The following ZNF236 variants were observed in gnomAD, a reference collection of about 807,000 sequenced individuals.
ZNF236 encodes the protein zinc finger protein 236.
ZNF236 carries 50 observed loss-of-function variants against 191.2 expected under a neutral mutation model. The ratio of observed to expected loss-of-function variants is 0.26; its 90% CI spans 0.21 to 0.33. The LOEUF (loss-of-function observed/expected upper bound fraction) is 0.33, where lower values mean the gene tolerates loss of function less well. Among genes scored for constraint, ZNF236 ranks in the 10% least tolerant of loss-of-function variants. The pLI is 1.00. For missense variants in ZNF236, 1,754 were observed against 2,374.5 expected, an observed-to-expected ratio of 0.74 and a Z score of 5.43; for synonymous variants, 907 against 928.8, an observed-to-expected ratio of 0.98 and a Z score of 0.43.
At chr18:76,949,661 C>CTT (rs779360324) in intron 27 of ZNF236, among the ~76,000 whole-genome samples, 9 of 141,722 alleles carry the variant, frequency 6.4e-5, no homozygotes, top group African/African-American at 1.8e-4. Context: ...CATTATTTCT[C>CTT]TTTTTTTTTT....
intron 16 of ZNF236, among the ~76,000 whole-genome samples, chr18:76,911,491 G>C (rs549303210): frequency 6.0e-4 from 92 of 152,340 alleles, no homozygotes; most frequent in Non-Finnish European, 1.0e-3. Flanking sequence ...CTTTACTCCA[G>C]AGCTCTCTAA....
intron 1 of ZNF236, among the ~76,000 whole-genome samples, chr18:76,829,192 C>T (rs1001688180): frequency 3.3e-5 from 5 of 152,200 alleles, no homozygotes; most frequent in Non-Finnish European, 2.9e-5. Flanking sequence ...GATAGTGCGT[C>T]TCTGCTTTCA....
intron 9 of ZNF236, chr18:76,885,721 C>T (rs575334769): frequency 3.2e-5 from 5 of 156,162 alleles, no homozygotes; most frequent in South Asian, 3.7e-4. Flanking sequence ...GAATGAGTTC[C>T]TGGGGGTCTC....
chr18:76,915,549 C>T lies in ZNF236; in HGVS notation c.3062-98C>T. The T allele has an allele frequency of 1.1e-5, 12 of 1,071,748 alleles. No individual in the cohort carries two copies. The South Asian group carries it at 1.6e-4, about 14-fold the overall frequency. 66.4% of individuals were successfully genotyped at this position (1,071,748 alleles called of 1,614,324 possible). On this transcript the variant is annotated intron_variant, in intron 18 of 30. Coordinates refer to ENST00000320610, the MANE Select transcript of ZNF236 (RefSeq NM_001306089.2). ...GTTAAGCCTCAGGATAATGTTGTAACTTATTAAACATATCTTTGTTTGGTT... is the reference window on the plus strand; with the variant it reads ...GTTAAGCCTCAGGATAATGTTGTAATTTATTAAACATATCTTTGTTTGGTT...
chr18:76,845,520 A>G (rs943204755), intron 1 of ZNF236, among the ~76,000 whole-genome samples: 1 of 152,158 alleles, frequency 6.6e-6, no homozygotes, highest in Non-Finnish European at 1.5e-5. Flanking sequence ...GTCTGCTGCT[A>G]AAAACCTCAA....
chr18:76,892,554 A>G (rs371493216), intron 9 of ZNF236, among the ~76,000 whole-genome samples: 1 of 151,904 alleles, frequency 6.6e-6, no homozygotes, highest in South Asian at 2.1e-4. Context: ...TTACTTTTCT[A>G]TATTTACTAA....
intron 3 of ZNF236, among the ~76,000 whole-genome samples, chr18:76,859,491 C>T (rs1025403734): frequency 3.9e-5 from 6 of 152,040 alleles, no homozygotes; most frequent in Admixed American, 1.3e-4. Context: ...AAGACCAACC[C>T]GGGTGTGTTG....
Position 76,952,533 on chromosome 18 carries a change from G to C in ZNF236, c.4915-3452G>C, listed in dbSNP as rs558474138. Among the ~76,000 whole-genome samples the C allele has an allele frequency of 9.7e-4, 147 of 152,320 alleles. No homozygotes were observed. In the Middle Eastern group the frequency reaches 0.02, roughly 21 times the overall value. Reference sequence around the variant, plus strand: ...GCACCCTGGGTTTATCTGAACCCACGACAGAGTGGCTGGGAGTGCTGGCTG... The same window carrying C: ...GCACCCTGGGTTTATCTGAACCCACCACAGAGTGGCTGGGAGTGCTGGCTG... On this transcript the variant is annotated intron_variant, in intron 27 of 30. Transcript: ENST00000320610.
intron 19 of ZNF236, among the ~76,000 whole-genome samples, chr18:76,918,737 T>G (rs1967448595): frequency 6.6e-6 from 1 of 152,180 alleles, no homozygotes; most frequent in East Asian, 1.9e-4. Flanking sequence ...AAATTTTTGG[T>G]AAAGATGGAC....
chr18:76,834,976 C>CTTT, intron 1 of ZNF236: 2 of 139,348 alleles, frequency 1.4e-5, no homozygotes, highest in South Asian at 1.9e-4. Context: ...ATTTTATTTT[C>CTTT]TGTTTTTTTT....
intron 11 of ZNF236, among the ~76,000 whole-genome samples, chr18:76,901,936 C>T (rs186481776): frequency 4.1e-4 from 62 of 152,250 alleles, no homozygotes; most frequent in Middle Eastern, 3.4e-3. Context: ...AGCAACAGAC[C>T]GGTTTCTTCT....
chr18:76,843,806 G>GAAAAA (rs1975591419), intron 1 of ZNF236, among the ~76,000 whole-genome samples: 1 of 44,688 alleles, frequency 2.2e-5, no homozygotes, highest in African/African-American at 9.2e-5. Flanking sequence ...AAAAAAAAAA[G>GAAAAA]TAAAGAAGAG....
intron 1 of ZNF236, among the ~76,000 whole-genome samples, chr18:76,837,437 C>CTTT (rs71760598): frequency 2.3e-4 from 24 of 105,862 alleles, no homozygotes; most frequent in South Asian, 3.2e-4. Context: ...TTTTCTTTTT[C>CTTT]TTTTTTTTTT....
intron 10 of ZNF236, among the ~76,000 whole-genome samples, chr18:76,896,865 C>T (rs1460762274): frequency 1.3e-5 from 2 of 151,760 alleles, no homozygotes; most frequent in African/African-American, 4.8e-5. Context: ...CACACAGCTA[C>T]TGCACATACT....
chr18:76,871,010 C>T (rs1410217690), intron 4 of ZNF236, among the ~76,000 whole-genome samples: 1 of 152,076 alleles, frequency 6.6e-6, no homozygotes, highest in Non-Finnish European at 1.5e-5. Context: ...CACTGGAGAG[C>T]CGAACCCGTT....
At chr18:76,942,894 C>T (rs62103930) in intron 26 of ZNF236, among the ~76,000 whole-genome samples, 34,172 of 148,018 alleles carry the variant, frequency 0.23, 4,749 homozygotes, top group East Asian at 0.33. Context: ...GAGGCCGAGG[C>T]GGGCGGATCA....
chr18:76,959,801 A>G lies in ZNF236; in HGVS notation c.5227A>G (p.Ser1743Gly). The G allele has an allele frequency of 6.2e-7, 1 of 1,614,106 alleles. No homozygotes were observed. Among genetic ancestry groups the G allele is most frequent in the Non-Finnish European group, 8.5e-7 (1 of 1,179,988 alleles). ...FAKPSQLERH[S>G]RIHTGERPFH... ...CAAACCAAGCCAGCTGGAGCGCCAC[A>G]GCCGCATACATACAGGTAACGGGGA... The change falls in exon 29 of 31, where the codon AGC becomes GGC. Residue 1743 changes from serine (S) to glycine (G), a missense_variant. Transcript: ENST00000320610.
chr18:76,889,438 A>C (rs1333417101), intron 9 of ZNF236, among the ~76,000 whole-genome samples: 1 of 152,200 alleles, frequency 6.6e-6, no homozygotes, highest in Non-Finnish European at 1.5e-5. Flanking sequence ...GATGCCTGGC[A>C]TGGTGCTTGG....
intron 1 of ZNF236, among the ~76,000 whole-genome samples, chr18:76,831,585 CTATGTT>C (rs1975169271): frequency 6.6e-6 from 1 of 152,038 alleles, no homozygotes; most frequent in African/African-American, 2.4e-5. Context: ...TATGGGAAAA[CTATGTT>C]TAGTTTTTTC....
Sources: gnomAD v4.1 joint callset for allele counts (sites outside exome capture counted in the v4.1 genomes callset) on GRCh38, gnomAD v4.1.1 for gene constraint, MANE v1.5 for transcripts, NCBI Gene and HGNC (gene_info 2026-07-23, HGNC 2026-07-21) for gene names.